The following SORT1 variants were observed in gnomAD, a reference collection of about 807,000 sequenced individuals.
SORT1 encodes the protein sortilin 1, also known as sortilin.
Under a neutral mutation model 101.7 loss-of-function variants are expected in SORT1, and 39 were observed. The observed-to-expected ratio is 0.38, with a 90% CI of 0.30 to 0.50. The LOEUF (loss-of-function observed/expected upper bound fraction) is 0.50. SORT1 is among the 20% of genes least tolerant of loss of function. The pLI, the probability that SORT1 is intolerant of heterozygous loss-of-function variation, is 0.90. For synonymous variants in SORT1, 396 were observed against 393.7 expected (o/e 1.01, Z -0.07); for missense variants, 878 against 1,040.4 (o/e 0.84, Z 2.15).
intron 1 of SORT1, among the ~76,000 whole-genome samples, chr1:109,380,376 A>G (rs1652144454): frequency 6.6e-6 from 1 of 152,194 alleles, no homozygotes; most frequent in African/African-American, 2.4e-5. Flanking sequence ...AAAAATCAGA[A>G]CTCATACTTA....
rs1658774308 is a variant in SORT1, at chr1:109,312,329, C to T, written c.*1714G>A. The T allele has an allele frequency of 6.6e-6, 1 of 152,576 alleles. No individual in the cohort carries two copies. The highest frequency in any genetic ancestry group is 1.5e-5 in the Non-Finnish European group (1 of 68,030). The allele number at this position is 152,576 out of a possible 1,614,324, so 9.5% of individuals were successfully genotyped here. ...CCTAACCATATTATCTTCACAAAAA[C>T]TGCCTCAACTTTATTTTCTAACTGA... On this transcript the variant is annotated 3_prime_UTR_variant, in exon 20 of 20. Coordinates refer to ENST00000256637, the MANE Select transcript of SORT1 (RefSeq NM_002959.7).
At chr1:109,315,721 C>G (rs565980120) in intron 17 of SORT1, among the ~76,000 whole-genome samples, 1 of 149,368 alleles carries the variant, frequency 6.7e-6, no homozygotes, top group East Asian at 2.0e-4. Context: ...TAGTTCAGTG[C>G]TACAGATTTG....
At chr1:109,326,939 TC>T in intron 13 of SORT1, 52 bp downstream of exon 13, 1 of 1,353,444 alleles carries the variant, frequency 7.4e-7, no homozygotes, top group Non-Finnish European at 1.0e-6. Context: ...TGAAGAACAT[TC>T]CCCCAGTTGC....
At chr1:109,375,145 T>A (rs963837824) in intron 1 of SORT1, among the ~76,000 whole-genome samples, 1 of 152,220 alleles carries the variant, frequency 6.6e-6, no homozygotes, top group Admixed American at 6.5e-5. Context: ...CTACAAATGT[T>A]CTTAAAGTTG....
chr1:109,328,398 C>G (rs1648226222), intron 11 of SORT1, among the ~76,000 whole-genome samples: 1 of 152,162 alleles, frequency 6.6e-6, no homozygotes, highest in East Asian at 1.9e-4. Context: ...CTTGCCAACA[C>G]TTTTTAAAAT....
chr1:109,318,155 C>CTT (rs368333953), intron 15 of SORT1, among the ~76,000 whole-genome samples, 186 bp from the exon 16 acceptor site: 12 of 136,638 alleles, frequency 8.8e-5, no homozygotes, highest in Admixed American at 1.5e-4. Flanking sequence ...CGGAGAGGGC[C>CTT]TTTTTTTTTT....
intron 17 of SORT1, among the ~76,000 whole-genome samples, chr1:109,315,748 CTTTTTTTTTTTTT>C (rs553898685): frequency 1.6e-5 from 2 of 124,732 alleles, no homozygotes. Flanking sequence ...GCCTCATAAC[CTTTTTTTTTTTTT>C]TTTTTTTTTA....
intron 1 of SORT1, among the ~76,000 whole-genome samples, chr1:109,377,768 G>A (rs578199590): frequency 6.6e-6 from 1 of 152,312 alleles, no homozygotes; most frequent in East Asian, 1.9e-4. Context: ...GCAGATATAA[G>A]CAAGAGCAAG....
chr1:109,391,746 A>G (rs1652926260), intron 1 of SORT1, among the ~76,000 whole-genome samples: 2 of 152,248 alleles, frequency 1.3e-5, no homozygotes, highest in Non-Finnish European at 1.5e-5. Flanking sequence ...CCATTGAAAC[A>G]AGAACAAAAA....
intron 7 of SORT1, among the ~76,000 whole-genome samples, chr1:109,346,517 G>A (rs975240263): frequency 3.3e-4 from 50 of 151,932 alleles, no homozygotes; most frequent in African/African-American, 1.1e-3. Context: ...AGGCCGAGCC[G>A]GGTGGATCAC....
chr1:109,389,326 AG>A (rs34843008), intron 1 of SORT1, among the ~76,000 whole-genome samples: 12,371 of 152,294 alleles, frequency 0.081, 664 homozygotes, highest in Non-Finnish European at 0.11. Context: ...AGCTCTGTTG[AG>A]GGTACTATGA....
chr1:109,351,069 A>C (rs1649925878), intron 5 of SORT1, 67 bp from the exon 6 acceptor site: 1 of 1,008,836 alleles, frequency 9.9e-7, no homozygotes, highest in Admixed American at 1.7e-5. Context: ...TATGACCTTT[A>C]ATATTTCATA....
At chr1:109,329,014 C>T (rs1367077952) in intron 11 of SORT1, among the ~76,000 whole-genome samples, 1 of 152,084 alleles carries the variant, frequency 6.6e-6, no homozygotes, top group East Asian at 1.9e-4. Flanking sequence ...CACTGCCAGG[C>T]CTGCCGCAGA....
At chr1:109,357,411 G>A (rs1650398664) in intron 3 of SORT1, among the ~76,000 whole-genome samples, 1 of 152,200 alleles carries the variant, frequency 6.6e-6, no homozygotes, top group South Asian at 2.1e-4. Flanking sequence ...CAGTGTAAGG[G>A]GCTGAAGTGA....
At chr1:109,350,135 G>A (rs1473987087) in intron 6 of SORT1, among the ~76,000 whole-genome samples, 2 of 152,094 alleles carry the variant, frequency 1.3e-5, no homozygotes, top group African/African-American at 2.4e-5. Context: ...TCCTACCTCT[G>A]TAACCAATCT....
At chr1:109,381,264 T>A (rs1652213476) in intron 1 of SORT1, among the ~76,000 whole-genome samples, 1 of 152,220 alleles carries the variant, frequency 6.6e-6, no homozygotes, top group Non-Finnish European at 1.5e-5. Context: ...TGTCATCTTC[T>A]GTGTTAGGTA....
At chr1:109,348,898 G>A (rs1414084573) in intron 6 of SORT1, among the ~76,000 whole-genome samples, 1 of 152,156 alleles carries the variant, frequency 6.6e-6, no homozygotes, top group South Asian at 2.1e-4. Flanking sequence ...GAGCCCAGGA[G>A]GCAGAGGCTG....
At position 109,397,909 on chromosome 1, in the gene SORT1, C is replaced by A. The variant is rs941701005; in HGVS notation, c.-17G>T. The A allele has an allele frequency of 5.2e-6, 6 of 1,145,906 alleles. No individual in the cohort carries two copies. In the South Asian group the frequency reaches 1.2e-4, roughly 23 times the overall value. 71.0% of individuals were successfully genotyped at this position (1,145,906 alleles called of 1,614,324 possible). On this transcript the variant is annotated 5_prime_UTR_variant, in exon 1 of 20. Coordinates refer to ENST00000256637, the MANE Select transcript of SORT1 (RefSeq NM_002959.7). Reference sequence around the variant, plus strand: ...CCGCTCCATCGCCGCCGAATGCCGCCGACGCCGACACCTGCCGCCCGGCGC... The same window carrying A: ...CCGCTCCATCGCCGCCGAATGCCGCAGACGCCGACACCTGCCGCCCGGCGC...
At chr1:109,346,636 A>G (rs1422733543) in intron 7 of SORT1, among the ~76,000 whole-genome samples, 9 of 150,856 alleles carry the variant, frequency 6.0e-5, no homozygotes, top group Non-Finnish European at 1.5e-5. Flanking sequence ...TCCCAGCTAC[A>G]CAGGAGGCTG....
Sources: gnomAD v4.1 joint callset for allele counts (sites outside exome capture counted in the v4.1 genomes callset) on GRCh38, gnomAD v4.1.1 for gene constraint, MANE v1.5 for transcripts, NCBI Gene and HGNC (gene_info 2026-07-23, HGNC 2026-07-21) for gene names.